Variants in ABCC4 observed in about 807,000 individuals in gnomAD.
The protein encoded by ABCC4 is ATP binding cassette subfamily C member 4 (PEL blood group).
ABCC4 carries 102 observed loss-of-function variants against 168.5 expected under a neutral mutation model. That is an observed-to-expected ratio of 0.61 (90% CI 0.52 to 0.71). The LOEUF (loss-of-function observed/expected upper bound fraction) is 0.71, where lower values mean the gene tolerates loss of function less well. Among genes scored for constraint, ABCC4 ranks in the 30% least tolerant of loss-of-function variants. ABCC4 has a pLI of 0.00. For missense variants in ABCC4, 1,402 were observed against 1,605.8 expected (o/e 0.87, Z 2.17); for synonymous variants, 617 against 590.7 (o/e 1.04, Z -0.65).
chr13:95,029,649 A>G (rs1310581597), intron 30 of ABCC4, among the ~76,000 whole-genome samples: 4 of 152,236 alleles, frequency 2.6e-5, no homozygotes, highest in African/African-American at 7.2e-5. Context: ...ATAAAGCTAC[A>G]AAACTTTGGA....
In ABCC4 at chr13:95,024,052, C is replaced by A. The variant is rs1221875217; in HGVS notation, c.3871-2370G>T. ...TGAAACCCCATCTCTACGAAAAATA[C>A]AAAAATTAGCCAGGCATGGTGGTGC... On this transcript the variant is annotated intron_variant, in intron 30 of 30. Transcript: ENST00000645237. 2.0e-5 allele frequency among the ~76,000 whole-genome samples: 3 copies of A among 151,718 alleles called. No homozygotes were observed. In the East Asian group the frequency reaches 5.8e-4, roughly 29 times the overall value.
chr13:95,163,476 C>CT, intron 17 of ABCC4, 134 bp downstream of exon 17: 2 of 862,990 alleles, frequency 2.3e-6, no homozygotes, highest in Non-Finnish European at 1.8e-6. Context: ...AGCAAGCACT[C>CT]TAATTTTTCT....
At position 95,021,699 on chromosome 13, in the gene ABCC4, T is replaced by C. The variant is rs1322228452; in HGVS notation, c.3871-17A>G. On this transcript the variant is annotated splice_polypyrimidine_tract_variant and intron_variant, in intron 30 of 30. Coordinates refer to ENST00000645237, the MANE Select transcript of ABCC4 (RefSeq NM_005845.5). ...GAAGTATACCTAGAAAAAAAAAAGGTAAGCATAAAAAGAATGTTTCAAAAT... is the reference window on the plus strand; with the variant it reads ...GAAGTATACCTAGAAAAAAAAAAGGCAAGCATAAAAAGAATGTTTCAAAAT... The C allele has an allele frequency of 2.0e-6, 3 of 1,525,172 alleles. No individual in the cohort carries two copies. Among genetic ancestry groups the C allele is most frequent in the Non-Finnish European group, 2.7e-6 (3 of 1,107,298 alleles). 94.5% of individuals were successfully genotyped at this position (1,525,172 alleles called of 1,614,324 possible).
intron 19 of ABCC4, among the ~76,000 whole-genome samples, chr13:95,131,752 A>G (rs1440979884): frequency 6.6e-6 from 1 of 152,200 alleles, no homozygotes; most frequent in Admixed American, 6.5e-5. Flanking sequence ...GGAAGTCACT[A>G]CCTTACACCC....
intron 19 of ABCC4, among the ~76,000 whole-genome samples, chr13:95,149,930 CAGGCTGA>C (rs896477652): frequency 6.6e-6 from 1 of 152,198 alleles, no homozygotes; most frequent in African/African-American, 2.4e-5. Flanking sequence ...TAGCTACTAT[CAGGCTGA>C]AGATCAACCA....
chr13:95,151,004 C>T (rs188521863), intron 19 of ABCC4, among the ~76,000 whole-genome samples: 1 of 152,278 alleles, frequency 6.6e-6, no homozygotes, highest in Admixed American at 6.5e-5. Flanking sequence ...CCAAAAGAAC[C>T]ATTTTTGGAA....
chr13:95,251,242 C>A (rs1451125707), intron 1 of ABCC4, among the ~76,000 whole-genome samples: 3 of 151,924 alleles, frequency 2.0e-5, no homozygotes, highest in African/African-American at 7.3e-5. Context: ...TTTGGTAAAT[C>A]CCCTCACTTT....
intron 18 of ABCC4, among the ~76,000 whole-genome samples, chr13:95,162,066 T>C (rs995366302): frequency 8.5e-5 from 13 of 152,132 alleles, no homozygotes; most frequent in African/African-American, 3.1e-4. Flanking sequence ...ACAGTGGGGG[T>C]AACTTCTATA....
chr13:95,150,962 G>C (rs2036653708), intron 19 of ABCC4, among the ~76,000 whole-genome samples: 1 of 152,176 alleles, frequency 6.6e-6, no homozygotes, highest in African/African-American at 2.4e-5. Context: ...CCACTGGTAT[G>C]ATTTCTTTTG....
chr13:95,248,340 A>C (rs1244321260), intron 1 of ABCC4, among the ~76,000 whole-genome samples: 1 of 152,242 alleles, frequency 6.6e-6, no homozygotes, highest in Non-Finnish European at 1.5e-5. Context: ...ATGAGGTTAG[A>C]AAACATTTTC....
In ABCC4 at chr13:95,131,092, G is replaced by A. The variant is rs145315848; in HGVS notation, c.2456-15091C>T. Among the ~76,000 whole-genome samples the A allele has an allele frequency of 4.1e-3, 620 of 152,260 alleles. 3 individuals are homozygous for A. Among genetic ancestry groups the A allele is most frequent in the African/African-American group, 0.014 (586 of 41,530 alleles). ...AACTGCCAGCATGTAACAAAACTCA[G>A]GTGGGGTGCGTGCCACCTAAATTAA... On this transcript the variant is annotated intron_variant, in intron 19 of 30. Coordinates refer to ENST00000645237, the MANE Select transcript of ABCC4 (RefSeq NM_005845.5).
intron 1 of ABCC4, among the ~76,000 whole-genome samples, chr13:95,266,879 C>CTAT (rs1555339305): frequency 2.6e-5 from 3 of 116,806 alleles, no homozygotes; most frequent in Non-Finnish European, 5.0e-5. Context: ...CAAATCTCAT[C>CTAT]TTTTTTTTTT....
At chr13:95,287,980 T>G (rs576405032) in intron 1 of ABCC4, among the ~76,000 whole-genome samples, 290 of 152,154 alleles carry the variant, frequency 1.9e-3, no homozygotes, top group Non-Finnish European at 2.7e-3. Flanking sequence ...AGACGGAGGT[T>G]GCAGTGAGCC....
intron 1 of ABCC4, among the ~76,000 whole-genome samples, chr13:95,298,941 C>T (rs12865420): frequency 0.12 from 18,383 of 152,064 alleles, 1,304 homozygotes; most frequent in Middle Eastern, 0.18. Flanking sequence ...TTCCCTGCCA[C>T]CTACATTTTG....
chr13:95,153,067 T>C (rs1442909286), intron 19 of ABCC4, among the ~76,000 whole-genome samples: 1 of 152,222 alleles, frequency 6.6e-6, no homozygotes, highest in Admixed American at 6.5e-5. Context: ...TGCAAGTGGC[T>C]AATGGAATAT....
chr13:95,140,290 T>G (rs907160485), intron 19 of ABCC4, among the ~76,000 whole-genome samples: 2 of 152,168 alleles, frequency 1.3e-5, no homozygotes, highest in African/African-American at 4.8e-5. Context: ...CGGCATAGCA[T>G]CTAAAGGAAA....
chr13:95,122,209 T>C (rs1789260844), intron 19 of ABCC4, among the ~76,000 whole-genome samples: 1 of 152,258 alleles, frequency 6.6e-6, no homozygotes, highest in Admixed American at 6.5e-5. Context: ...AAAGATTTCC[T>C]GTTTGCTTAT....
Position 95,071,643 on chromosome 13 carries a change from C to T in ABCC4, c.3210+19G>A. On this transcript the variant is annotated intron_variant, in intron 25 of 30. Coordinates refer to ENST00000645237, the MANE Select transcript of ABCC4 (RefSeq NM_005845.5). ...TAAATCTTCTGAAATTGAGAAGAGG[C>T]AAGATGCTTTAAACAAACCTTTTCT... 7.1e-7 allele frequency: 1 copy of T among 1,400,972 alleles called. No individual in the cohort carries two copies. Among genetic ancestry groups the T allele is most frequent in the Non-Finnish European group, 9.3e-7 (1 of 1,071,234 alleles). 86.8% of individuals were successfully genotyped at this position (1,400,972 alleles called of 1,614,324 possible). A position where few individuals can be genotyped will look rare whatever the true frequency, so the allele number is the denominator to read the frequency against.
chr13:95,097,211 T>C (rs912852435), intron 20 of ABCC4, among the ~76,000 whole-genome samples: 2 of 15,182 alleles, frequency 1.3e-4, no homozygotes, highest in Non-Finnish European at 3.4e-4. Context: ...AAAAATGTGA[T>C]AGAAAAAATA....
Sources: gnomAD v4.1 joint callset for allele counts (sites outside exome capture counted in the v4.1 genomes callset) on GRCh38, gnomAD v4.1.1 for gene constraint, MANE v1.5 for transcripts, NCBI Gene and HGNC (gene_info 2026-07-23, HGNC 2026-07-21) for gene names.